The following NRIP3 variants were observed in gnomAD, a reference collection of about 807,000 sequenced individuals.
NRIP3 encodes nuclear receptor-interacting protein 3.
Under a neutral mutation model 29.0 loss-of-function variants are expected in NRIP3, and 31 were observed. That is an observed-to-expected ratio of 1.07 (90% confidence interval 0.80 to 1.44). The LOEUF (loss-of-function observed/expected upper bound fraction) is 1.44, where lower values mean the gene tolerates loss of function less well. Ranked by LOEUF, NRIP3 falls within the 40% of genes most tolerant of loss-of-function variation. The probability of loss-of-function intolerance (pLI) is 0.00; values close to 1 mark genes in which losing one functional copy is unlikely to be tolerated. For missense variants in NRIP3, 314 were observed against 297.9 expected (o/e 1.05, Z -0.40); for synonymous variants, 131 against 118.3 (o/e 1.11, Z -0.70).
At chr11:8,985,097 C>T (rs538162727) in intron 4 of NRIP3, among the ~76,000 whole-genome samples, 53 of 152,100 alleles carry the variant, frequency 3.5e-4, no homozygotes, top group African/African-American at 1.1e-3. Context: ...GTGATCTGCC[C>T]GCCTTGGCCC....
chr11:9,002,516 C>T (rs1054307387), intron 1 of NRIP3, among the ~76,000 whole-genome samples: 2 of 59,842 alleles, frequency 3.3e-5, no homozygotes, highest in African/African-American at 1.0e-4. Flanking sequence ...TAACTAATGG[C>T]AGGGAGGAGA....
intron 4 of NRIP3, among the ~76,000 whole-genome samples, chr11:8,984,827 A>C (rs1854483465): frequency 6.6e-6 from 1 of 152,026 alleles, no homozygotes; most frequent in Non-Finnish European, 1.5e-5. Context: ...TCACCTATAC[A>C]TAAAAATGTG....
intron 1 of NRIP3, among the ~76,000 whole-genome samples, chr11:8,991,410 A>G (rs1352154892): frequency 1.3e-5 from 2 of 152,180 alleles, no homozygotes; most frequent in Non-Finnish European, 2.9e-5. Context: ...CAGCCAACAA[A>G]CCCATATGAA....
chr11:8,983,553 C>G lies in NRIP3; in HGVS notation c.718G>C (p.Glu240Gln). ...CATGCTGCAGGCTGTAGTTATGCTTCTGAAGTGCTGAAATGAGAAATAAAT... is the reference window on the plus strand; with the variant it reads ...CATGCTGCAGGCTGTAGTTATGCTTGTGAAGTGCTGAAATGAGAAATAAAT... ...TVSLNEDNTS[E>Q]A The change falls in exon 7 of 7, where the codon GAA (glutamate) becomes CAA (glutamine). Residue 240 changes from glutamate (E) to glutamine (Q), a missense_variant. Physicochemically the swap from Glu to Gln is conservative, Grantham distance 29 (BLOSUM62 2). Transcript: ENST00000309166. The G allele has an allele frequency of 6.2e-7, 1 of 1,613,688 alleles. No homozygotes were observed. Among genetic ancestry groups the G allele is most frequent in the Non-Finnish European group, 8.5e-7 (1 of 1,179,702 alleles).
chr11:9,000,649 TAAAAATTAAAAAGTCCTTAGCAC>T (rs1441737696), intron 1 of NRIP3, among the ~76,000 whole-genome samples: 2 of 152,204 alleles, frequency 1.3e-5, no homozygotes, highest in African/African-American at 2.4e-5. Flanking sequence ...TGACTGTTTT[TAAAAATTAAAAAGTCCTTAGCAC>T]AATGAGAAAA....
chr11:8,984,171 G>A, intron 4 of NRIP3, 47 bp from the exon 5 acceptor site: 3 of 1,372,020 alleles, frequency 2.2e-6, no homozygotes, highest in Non-Finnish European at 3.1e-6. Flanking sequence ...TTCCATGCTT[G>A]CTTAGAAGTT....
At position 9,000,008 on chromosome 11, in the gene NRIP3, G is replaced by A. The variant is rs368937819; in HGVS notation, c.174+3754C>T. 5.9e-4 allele frequency among the ~76,000 whole-genome samples: 90 copies of A among 152,074 alleles called. 1 individual carries two copies. The East Asian group carries it at 8.3e-3, about 14-fold the overall frequency. ...TTCCTCCCACAAGAATGAAAGTTCC[G>A]TCAAGGCAGGAACTCAGTTTTGGTT... On this transcript the variant is annotated intron_variant, in intron 1 of 6. Coordinates refer to ENST00000309166, the MANE Select transcript of NRIP3 (RefSeq NM_020645.3).
chr11:8,994,709 C>T (rs1165270444), intron 1 of NRIP3, among the ~76,000 whole-genome samples: 1 of 152,136 alleles, frequency 6.6e-6, no homozygotes, highest in Non-Finnish European at 1.5e-5. Context: ...TATCCTGAAA[C>T]GCTCCTCCAC....
At chr11:8,985,566 A>C in intron 4 of NRIP3, 145 bp downstream of exon 4, 1 of 932,916 alleles carries the variant, frequency 1.1e-6, no homozygotes, top group Non-Finnish European at 1.6e-6. Context: ...GAGAGCAAAA[A>C]TTGGGACAAG....
intron 1 of NRIP3, among the ~76,000 whole-genome samples, chr11:8,995,779 T>G (rs1156277505): frequency 6.6e-6 from 1 of 152,242 alleles, no homozygotes; most frequent in South Asian, 2.1e-4. Context: ...TTTACCCTTC[T>G]CTATACAGCT....
At chr11:8,989,884 G>C (rs1854570839) in intron 1 of NRIP3, among the ~76,000 whole-genome samples, 1 of 152,206 alleles carries the variant, frequency 6.6e-6, no homozygotes, top group Non-Finnish European at 1.5e-5. Flanking sequence ...AACTGGACTT[G>C]TAGAAGTGAA....
chr11:8,991,257 C>T (rs1420762737), intron 1 of NRIP3, among the ~76,000 whole-genome samples: 2 of 152,202 alleles, frequency 1.3e-5, no homozygotes, highest in African/African-American at 4.8e-5. Flanking sequence ...GCCGAGATCG[C>T]GCCACTGCAC....
intron 1 of NRIP3, among the ~76,000 whole-genome samples, chr11:9,003,320 T>C (rs6486061): frequency 0.39 from 59,020 of 152,002 alleles, 11,848 homozygotes; most frequent in South Asian, 0.51. Context: ...CCTCTGGATC[T>C]GGCAACTGTC....
intron 6 of NRIP3, 92 bp downstream of exon 6, chr11:8,983,783 A>G: frequency 9.0e-7 from 1 of 1,111,690 alleles, no homozygotes; most frequent in South Asian, 1.2e-5. Context: ...AAGACAGGAT[A>G]CAACCCCATG....
chr11:8,994,930 A>G lies in NRIP3; in HGVS notation c.175-6648T>C, dbSNP rs552429145. The stretch of plus-strand genomic sequence containing the variant: ...TATCTCATGTCCAGATGTCACCTCA[A>G]TTCTAGACCCATAGATCCAACTGCC... On this transcript the variant is annotated intron_variant, in intron 1 of 6. Coordinates refer to ENST00000309166, the MANE Select transcript of NRIP3 (RefSeq NM_020645.3). Among the ~76,000 whole-genome samples, 4 of 152,300 alleles carry G rather than the reference A, an allele frequency of 2.6e-5. No individual in the cohort carries two copies. The East Asian group carries it at 7.7e-4, about 29-fold the overall frequency.
upstream of NRIP3, chr11:9,004,031 T>G (rs368757128): frequency 1.6e-6 from 2 of 1,216,206 alleles, no homozygotes; most frequent in Non-Finnish European, 2.1e-6. Context: ...GCGCCTTTTA[T>G]AGCCGAGCGT....
At chr11:8,996,882 C>G (rs1423470526) in intron 1 of NRIP3, among the ~76,000 whole-genome samples, 1 of 151,754 alleles carries the variant, frequency 6.6e-6, no homozygotes, top group Non-Finnish European at 1.5e-5. Flanking sequence ...GAAATTGTGT[C>G]TCTACAAAAA....
intron 1 of NRIP3, among the ~76,000 whole-genome samples, chr11:8,997,130 A>T (rs1445579113): frequency 6.6e-6 from 1 of 152,010 alleles, no homozygotes; most frequent in South Asian, 2.1e-4. Context: ...TAATCCCAAC[A>T]CTTTGGGAGG....
chr11:8,988,735 C>T (rs1390554239), intron 1 of NRIP3, among the ~76,000 whole-genome samples: 1 of 152,188 alleles, frequency 6.6e-6, no homozygotes, highest in Non-Finnish European at 1.5e-5. Context: ...AGAAACTTAG[C>T]TAACACAGGT....
Sources: gnomAD v4.1 joint callset for allele counts (sites outside exome capture counted in the v4.1 genomes callset) on GRCh38, gnomAD v4.1.1 for gene constraint, MANE v1.5 for transcripts, NCBI Gene and HGNC (gene_info 2026-07-23, HGNC 2026-07-21) for gene names.